The following PCDHGB5 variants were observed in gnomAD, a reference collection of about 807,000 sequenced individuals.
The protein encoded by PCDHGB5 is protocadherin gamma subfamily B, 5.
A neutral mutation model predicts 62.9 loss-of-function variants in PCDHGB5; 48 were observed. That is an observed-to-expected ratio of 0.76 (90% CI 0.61 to 0.97). PCDHGB5 has a LOEUF of 0.97. Ranked by LOEUF, PCDHGB5 falls within the 50% of genes least tolerant of loss-of-function variation. The pLI, the probability that PCDHGB5 is intolerant of heterozygous loss-of-function variation, is 0.00. For synonymous variants in PCDHGB5, 474 were observed against 511.2 expected (o/e 0.93, Z 0.98); for missense variants, 1,118 against 1,198.6 (o/e 0.93, Z 0.99).
Position 141,399,753 on chromosome 5 carries a change from G to T in PCDHGB5, c.1626G>T (p.Val542=), listed in dbSNP as rs1418820057. ...DQGSPALSAN[V]SLRVLVGDRN... is the part of the protein sequence containing the mutation. ...GCTCGCCTGCGCTCAGCGCAAACGT[G>T]AGCCTGCGCGTGTTGGTGGGCGACC... The change falls in exon 1 of 4, where the codon GTG becomes GTT. Residue 542 remains valine, a synonymous_variant. Transcript: ENST00000617380. 8 of 1,613,370 alleles carry T rather than the reference G, an allele frequency of 5.0e-6. No individual in the cohort carries two copies. Among genetic ancestry groups the T allele is most frequent in the Non-Finnish European group, 6.8e-6 (8 of 1,179,822 alleles).
Position 141,415,114 on chromosome 5 carries a change from G to A in PCDHGB5, c.2397+14590G>A, listed in dbSNP as rs186848544. On this transcript the variant is annotated intron_variant, in intron 1 of 3. Transcript: ENST00000617380. Reference sequence around the variant, plus strand: ...CAGAGACGCGCTCAAGCAAAGCCTCGTAGTGGCCGTCCAGGACCACGGCCA... The same window carrying A: ...CAGAGACGCGCTCAAGCAAAGCCTCATAGTGGCCGTCCAGGACCACGGCCA... 1.7e-5 allele frequency: 28 copies of A among 1,613,646 alleles called. No homozygotes were observed. In the African/African-American group the frequency reaches 2.7e-4, roughly 15 times the overall value.
intron 1 of PCDHGB5, among the ~76,000 whole-genome samples, chr5:141,457,938 G>A (rs915640623): frequency 6.6e-6 from 1 of 152,160 alleles, no homozygotes; most frequent in African/African-American, 2.4e-5. Flanking sequence ...GCTTTTATTG[G>A]CTCTGCATGT....
chr5:141,491,496 C>T lies in PCDHGB5; in HGVS notation c.2398-3311C>T, dbSNP rs372523924. ...AGTCCAGCCCCAACCTGCAGGTGAG[C>T]TCGGACGGCACGCTCAAGTACATGG... On this transcript the variant is annotated intron_variant, in intron 1 of 3. Transcript: ENST00000617380. This position sits in a 1 kb window ranked among gnomAD's most constrained non-coding sequence, Gnocchi z 6.9. 2.9e-5 allele frequency: 47 copies of T among 1,614,004 alleles called. No individual in the cohort carries two copies. Among genetic ancestry groups the T allele is most frequent in the Non-Finnish European group, 3.7e-5 (44 of 1,180,026 alleles).
At position 141,476,318 on chromosome 5, in the gene PCDHGB5, G is replaced by A. The variant is rs767809530; in HGVS notation, c.2398-18489G>A. ...TAGCCTCTCAGCCCGCAGGTTCCGG[G>A]TGGTGTCTGGAGCTAGCCGAAGATT... is the stretch of plus-strand genomic sequence containing the variant. On this transcript the variant is annotated intron_variant, in intron 1 of 3. Coordinates refer to ENST00000617380, the MANE Select transcript of PCDHGB5 (RefSeq NM_018925.3). This position sits in a 1 kb window ranked among gnomAD's most constrained non-coding sequence, Gnocchi z 7.6. The A allele has an allele frequency of 6.2e-6, 10 of 1,614,084 alleles. No homozygotes were observed. Among genetic ancestry groups the A allele is most frequent in the Non-Finnish European group, 7.6e-6 (9 of 1,180,060 alleles).
intron 2 of PCDHGB5, among the ~76,000 whole-genome samples, chr5:141,497,865 A>G (rs1248242691): frequency 2.0e-5 from 3 of 152,168 alleles, no homozygotes; most frequent in Admixed American, 2.0e-4. Flanking sequence ...CAGCGGCTCC[A>G]AAGTGAAATA....
intron 1 of PCDHGB5, among the ~76,000 whole-genome samples, chr5:141,463,209 A>G (rs1189251811): frequency 6.6e-6 from 1 of 152,140 alleles, no homozygotes; most frequent in African/African-American, 2.4e-5. Flanking sequence ...TTGGGGATCC[A>G]TATTAATATT....
intron 2 of PCDHGB5, among the ~76,000 whole-genome samples, chr5:141,499,326 C>T (rs1465474737): frequency 6.6e-6 from 1 of 152,156 alleles, no homozygotes. Context: ...TATCCCTGCT[C>T]TCTCTCAGTT....
chr5:141,442,321 C>G (rs1323525940), intron 1 of PCDHGB5: 1 of 152,360 alleles, frequency 6.6e-6, no homozygotes, highest in African/African-American at 2.4e-5. Context: ...ATGTCTATCC[C>G]GCGCTAAGCC....
chr5:141,408,509 G>T, intron 1 of PCDHGB5: 1 of 1,614,048 alleles, frequency 6.2e-7, no homozygotes, highest in Non-Finnish European at 8.5e-7. Flanking sequence ...AAGAAGATGT[G>T]AGTTGCAATT....
In PCDHGB5 at chr5:141,478,732, T is replaced by C. The variant is rs772167680; in HGVS notation, c.2398-16075T>C. 7.2e-6 allele frequency: 11 copies of C among 1,537,428 alleles called. No homozygotes were observed. In the South Asian group the frequency reaches 1.2e-4, roughly 17 times the overall value. On this transcript the variant is annotated intron_variant, in intron 1 of 3. Transcript: ENST00000617380. ...GAGATGGTGGCCTGCCAGAGTGTGG[T>C]TTGTGGTCCCATTTCAGGGGGAAGA...
At chr5:141,475,684 T>C (rs2099367059) in intron 1 of PCDHGB5, among the ~76,000 whole-genome samples, 1 of 152,228 alleles carries the variant, frequency 6.6e-6, no homozygotes, top group African/African-American at 2.4e-5. Context: ...TTGATTTGGA[T>C]TGGAGACTTG....
At position 141,476,321 on chromosome 5, in the gene PCDHGB5, G is replaced by A; in HGVS notation, c.2398-18486G>A. 1 of 1,614,196 alleles carries A rather than the reference G, an allele frequency of 6.2e-7. No homozygotes were observed. The highest frequency in any genetic ancestry group is 1.3e-5 in the African/African-American group (1 of 75,054). ...CCTCTCAGCCCGCAGGTTCCGGGTG[G>A]TGTCTGGAGCTAGCCGAAGATTCTT... On this transcript the variant is annotated intron_variant, in intron 1 of 3. Coordinates refer to ENST00000617380, the MANE Select transcript of PCDHGB5 (RefSeq NM_018925.3). The surrounding 1 kb of genome is among the most constrained non-coding windows in gnomAD (Gnocchi z 7.6).
Position 141,421,937 on chromosome 5 carries a change from A to G in PCDHGB5, c.2397+21413A>G, listed in dbSNP as rs375878901. The G allele has an allele frequency of 1.5e-5, 25 of 1,613,402 alleles. No homozygotes were observed. In the African/African-American group the frequency reaches 1.6e-4, roughly 10 times the overall value. ...ATTCGTGTGGTGGTCCTCGATGTAA[A>G]TGATCACATCCCAATGTTTACACAG... On this transcript the variant is annotated intron_variant, in intron 1 of 3. Coordinates refer to ENST00000617380, the MANE Select transcript of PCDHGB5 (RefSeq NM_018925.3).
chr5:141,419,395 G>T (rs374575981), intron 1 of PCDHGB5: 50 of 1,613,478 alleles, frequency 3.1e-5, no homozygotes, highest in Non-Finnish European at 4.0e-5. Flanking sequence ...CGCAGAGCGG[G>T]GTGGTGTTCG....
In PCDHGB5 at chr5:141,432,126, C is replaced by G. The variant is rs750150518; in HGVS notation, c.2397+31602C>G. 12 of 1,614,026 alleles carry G rather than the reference C, an allele frequency of 7.4e-6. No homozygotes were observed. Among genetic ancestry groups the G allele is most frequent in the South Asian group, 4.4e-5 (4 of 91,062 alleles). On this transcript the variant is annotated intron_variant, in intron 1 of 3. Transcript: ENST00000617380. The surrounding 1 kb of genome is among the most constrained non-coding windows in gnomAD (Gnocchi z 6.0). ...AACCCGCCGGTCTTCCCTCAGGCCT[C>G]CTATTCCGCTTATATCCCAGAGAAC...
chr5:141,413,227 G>T (rs552225139), intron 1 of PCDHGB5: 2 of 1,613,938 alleles, frequency 1.2e-6, no homozygotes, highest in South Asian at 2.2e-5. Flanking sequence ...CAGCGGGCTG[G>T]TCCTGCTCTG....
chr5:141,510,847 AG>A, intron 3 of PCDHGB5, 99 bp from the exon 4 acceptor site: 3 of 1,595,350 alleles, frequency 1.9e-6, no homozygotes, highest in Non-Finnish European at 2.6e-6. Context: ...GTCAAGGCCC[AG>A]GGTGCTGTAT....
At chr5:141,422,618 A>G in intron 1 of PCDHGB5, 3 of 1,613,682 alleles carry the variant, frequency 1.9e-6, no homozygotes, top group Non-Finnish European at 2.5e-6. Flanking sequence ...TACATTCCCG[A>G]AAACAACCCC....
chr5:141,496,140 T>C (rs1172903212), intron 2 of PCDHGB5, among the ~76,000 whole-genome samples: 1 of 152,006 alleles, frequency 6.6e-6, no homozygotes, highest in Admixed American at 6.6e-5. Flanking sequence ...CACTGAGCCT[T>C]TGATCGCAGC....
Sources: allele counts gnomAD v4.1 joint callset (sites outside exome capture counted in the v4.1 genomes callset), GRCh38; gene constraint gnomAD v4.1.1; non-coding constraint Gnocchi (gnomAD v3.1); transcripts MANE v1.5; gene names NCBI Gene and HGNC (gene_info 2026-07-23, HGNC 2026-07-21).